The following HAUS8 variants were observed in gnomAD, a reference collection of about 807,000 sequenced individuals.
HAUS8 encodes the protein HAUS augmin-like complex subunit 8.
Under a neutral mutation model 42.9 loss-of-function variants are expected in HAUS8, and 38 were observed. The ratio of observed to expected loss-of-function variants is 0.89; its 90% CI spans 0.68 to 1.16. The LOEUF (loss-of-function observed/expected upper bound fraction) is 1.16. Among genes scored for constraint, HAUS8 ranks in the 50% most tolerant of loss-of-function variants. The pLI is 0.00. For missense variants in HAUS8, 494 were observed against 511.6 expected, an observed-to-expected ratio of 0.97 and a Z score of 0.33; for synonymous variants, 199 against 205.8, an observed-to-expected ratio of 0.97 and a Z score of 0.28.
rs753409121 is a variant in HAUS8 at position 17,049,945 on chromosome 19, G to T, written c.1161C>A (p.Ser387Arg). 4.5e-6 allele frequency: 7 copies of T among 1,556,950 alleles called. No homozygotes were observed. The highest frequency in any genetic ancestry group is 5.2e-6 in the Non-Finnish European group (6 of 1,149,956). The change falls in exon 11 of 11, where the codon AGC (serine) becomes AGA (arginine). Residue 387 changes from serine to arginine, a missense_variant. Ser to Arg is a moderately radical substitution (Grantham distance 110). Transcript: ENST00000253669. ...CCTGGCTGCTTGAAGAAAAATCTTC[G>T]CTTGGGCTGATGAACGTGGCCTGAG... ...APAQATFISP[S>R]EDFSSSSQAE...
chr19:17,075,533 C>G (rs541640564), upstream of HAUS8: 39 of 1,172,330 alleles, frequency 3.3e-5, no homozygotes, highest in African/African-American at 2.0e-4. Flanking sequence ...GGCTGCGAGG[C>G]GTGAGGCAGC....
At chr19:17,050,836 T>C in intron 10 of HAUS8, among the ~76,000 whole-genome samples, 1 of 151,610 alleles carries the variant, frequency 6.6e-6, no homozygotes, top group Non-Finnish European at 1.5e-5. Flanking sequence ...ACAGGGTCTA[T>C]AGTGAGCCGA....
chr19:17,050,286 G>C, intron 10 of HAUS8, 110 bp from the exon 11 acceptor site: 1 of 672,390 alleles, frequency 1.5e-6, no homozygotes, highest in Non-Finnish European at 2.2e-6. Flanking sequence ...CATGCCCTAC[G>C]TGCTCAGTGG....
Position 17,049,997 on chromosome 19 carries a change from T to C in HAUS8, c.1109A>G (p.Asp370Gly), listed in dbSNP as rs2057276488. 6.2e-7 allele frequency: 1 copy of C among 1,604,866 alleles called. No homozygotes were observed. The highest frequency in any genetic ancestry group is 8.5e-7 in the Non-Finnish European group (1 of 1,176,220). Residue 370 changes from aspartate (D) to glycine (G), a missense_variant, in exon 11 of 11, where the codon GAC becomes GGC. Asp to Gly is a moderately conservative substitution (Grantham distance 94). Transcript: ENST00000253669. ...APKNTPLSED[D>G]NPGASSAPAQ... ...GGGGGCTGACGAGGCACCCGGGTTG[T>C]CGTCCTCAGACAGGGGCGTGTTCTT...
chr19:17,059,748 C>A (rs1412666103), intron 5 of HAUS8, 97 bp from the exon 6 acceptor site: 3 of 801,790 alleles, frequency 3.7e-6, no homozygotes, highest in Non-Finnish European at 6.2e-6. Context: ...TGGGATGTAA[C>A]CCCATCATAA....
Position 17,049,934 on chromosome 19 carries a change from G to T in HAUS8, c.1172C>A (p.Ser391Tyr). Residue 391 changes from serine (S) to tyrosine (Y), a missense_variant, in exon 11 of 11, where the codon TCT (serine) becomes TAT (tyrosine). Transcript: ENST00000253669. ...ATFISPSEDF[S>Y]SSSQAEVPPS... ...CGGGACTTCTGCCTGGCTGCTTGAA[G>T]AAAAATCTTCGCTTGGGCTGATGAA... is the stretch of plus-strand genomic sequence containing the variant. 1 of 1,545,258 alleles carries T rather than the reference G, an allele frequency of 6.5e-7. No homozygotes were observed. Among genetic ancestry groups the T allele is most frequent in the Non-Finnish European group, 8.7e-7 (1 of 1,143,766 alleles).
intron 6 of HAUS8, 125 bp downstream of exon 6, chr19:17,059,432 T>A (rs1046237295): frequency 1.4e-5 from 9 of 665,960 alleles, no homozygotes; most frequent in Non-Finnish European, 1.9e-5. Flanking sequence ...TTGATTTTTG[T>A]CCTAAAGGGC....
intron 4 of HAUS8, among the ~76,000 whole-genome samples, chr19:17,061,409 T>C (rs1004005601): frequency 1.3e-5 from 2 of 152,212 alleles, no homozygotes; most frequent in African/African-American, 4.8e-5. Flanking sequence ...AGTGCCGGGA[T>C]TACAGGCGTG....
intron 8 of HAUS8, among the ~76,000 whole-genome samples, chr19:17,057,162 C>T (rs2057331620): frequency 6.6e-6 from 1 of 151,982 alleles, no homozygotes; most frequent in South Asian, 2.1e-4. Context: ...CCAGCCTGGC[C>T]AACATGGCAA....
At position 17,060,076 on chromosome 19, in the gene HAUS8, G is replaced by A. The variant is rs996825136; in HGVS notation, c.246C>T (p.Val82=). The A allele has an allele frequency of 5.0e-6, 8 of 1,610,784 alleles. No homozygotes were observed. The African/African-American group carries it at 5.3e-5, about 11-fold the overall frequency. ...ACGTGGACTGCAGGTCACCCTTTCC[G>A]ACCCCACTGCTATCTGCTGTTAAGA... ...LQKSKADSSG[V]GKGDLQSTLL... Residue 82 remains valine, a synonymous_variant, in exon 5 of 11, where the codon GTC becomes GTT. Transcript: ENST00000253669.
At chr19:17,075,224 C>G (rs1263669500) in intron 1 of HAUS8, 170 bp downstream of exon 1, 3 of 720,340 alleles carry the variant, frequency 4.2e-6, no homozygotes, top group African/African-American at 3.5e-5. Flanking sequence ...TGTCAGCGCT[C>G]CGGAGCATGC....
Position 17,063,124 on chromosome 19 carries a change from T to C in HAUS8, c.148-345A>G, listed in dbSNP as rs536843567. Among the ~76,000 whole-genome samples the C allele has an allele frequency of 3.2e-4, 48 of 152,310 alleles. 2 individuals carry two copies. The South Asian group carries it at 1.0e-2, about 32-fold the overall frequency. ...TCAGGAGAAACAAAGTTTTTACACATATGTTGTCAAAAAATATTTTTTTAA... is the reference window on the plus strand; with the variant it reads ...TCAGGAGAAACAAAGTTTTTACACACATGTTGTCAAAAAATATTTTTTTAA... On this transcript the variant is annotated intron_variant, in intron 3 of 10. Coordinates refer to ENST00000253669, the MANE Select transcript of HAUS8 (RefSeq NM_033417.2).
At chr19:17,053,169 C>A in intron 9 of HAUS8, 1 of 608,228 alleles carries the variant, frequency 1.6e-6, no homozygotes, top group Non-Finnish European at 2.9e-6. Flanking sequence ...ACAGGCACAT[C>A]CATCTATCCA....
chr19:17,067,848 A>G (rs1315562576), intron 3 of HAUS8, among the ~76,000 whole-genome samples: 1 of 152,210 alleles, frequency 6.6e-6, no homozygotes, highest in Admixed American at 6.5e-5. Context: ...AAGCAGAGGG[A>G]AGAATCCAAC....
intron 6 of HAUS8, 82 bp from the exon 7 acceptor site, chr19:17,058,958 G>C (rs2057343282): frequency 9.0e-7 from 1 of 1,114,658 alleles, no homozygotes; most frequent in Middle Eastern, 2.0e-4. Context: ...GAGAACTCTG[G>C]CTTGTGTGGA....
intron 8 of HAUS8, among the ~76,000 whole-genome samples, chr19:17,057,899 C>G (rs1440132898): frequency 6.6e-6 from 1 of 152,214 alleles, no homozygotes; most frequent in Non-Finnish European, 1.5e-5. Flanking sequence ...ACACACACAG[C>G]AGGGAGGACA....
chr19:17,058,636 C>G lies in HAUS8; in HGVS notation c.558G>C (p.Glu186Asp), dbSNP rs1243102431. 6.2e-7 allele frequency: 1 copy of G among 1,613,776 alleles called. No homozygotes were observed. The highest frequency in any genetic ancestry group is 8.5e-7 in the Non-Finnish European group (1 of 1,179,880). The change falls in exon 8 of 11, where the codon GAG (glutamate) becomes GAC (aspartate). Residue 186 changes from glutamate to aspartate, a missense_variant. Glu to Asp is a conservative substitution (Grantham distance 45). Transcript: ENST00000253669. Reference protein sequence around the residue: ...KNLLIMCKEKEKLQKKAHELK... With the variant: ...KNLLIMCKEKDKLQKKAHELK... ...GCTCGTGGGCCTTTTTCTGTAGCTTCTCCTTCTCCTTACACATTATTAATA... is the reference window on the plus strand; with the variant it reads ...GCTCGTGGGCCTTTTTCTGTAGCTTGTCCTTCTCCTTACACATTATTAATA...
At chr19:17,073,689 C>A (rs879450350) in intron 1 of HAUS8, 1 of 249,526 alleles carries the variant, frequency 4.0e-6, no homozygotes, top group Non-Finnish European at 8.0e-6. Flanking sequence ...AAACACAGAG[C>A]TCCTTCCCAG....
chr19:17,060,208 G>T (rs1189298643), intron 4 of HAUS8, 116 bp from the exon 5 acceptor site: 4 of 420,914 alleles, frequency 9.5e-6, no homozygotes, highest in African/African-American at 6.9e-5. Flanking sequence ...GCCCAATTTC[G>T]TCCAAGGTGG....
Sources: gnomAD v4.1 joint callset for allele counts (sites outside exome capture counted in the v4.1 genomes callset) on GRCh38, gnomAD v4.1.1 for gene constraint, MANE v1.5 for transcripts, NCBI Gene and HGNC (gene_info 2026-07-23, HGNC 2026-07-21) for gene names.